Variants in PCCA observed in about 807,000 individuals in gnomAD.
The protein encoded by PCCA is propionyl-CoA carboxylase subunit alpha, also known as propionyl-CoA carboxylase alpha chain, mitochondrial.
A neutral mutation model predicts 101.3 loss-of-function variants in PCCA; 74 were observed. That is an observed-to-expected ratio of 0.73 (90% CI 0.61 to 0.89). The LOEUF (loss-of-function observed/expected upper bound fraction) is 0.89, where lower values mean the gene tolerates loss of function less well. Among genes scored for constraint, PCCA ranks in the 40% least tolerant of loss-of-function variants. The probability of loss-of-function intolerance (pLI) is 0.00; values close to 1 mark genes in which losing one functional copy is unlikely to be tolerated. For synonymous variants in PCCA, 294 were observed against 313.6 expected (o/e 0.94, Z 0.66); for missense variants, 891 against 907.0 (o/e 0.98, Z 0.23).
intron 18 of PCCA, among the ~76,000 whole-genome samples, chr13:100,359,223 A>G (rs1220956605): frequency 6.6e-6 from 1 of 152,166 alleles, no homozygotes; most frequent in African/African-American, 2.4e-5. Flanking sequence ...AAGAAAGGCA[A>G]GAGAGTGAAG....
chr13:100,330,709 G>A, intron 17 of PCCA, 38 bp downstream of exon 17: 1 of 1,213,188 alleles, frequency 8.2e-7, no homozygotes, highest in Non-Finnish European at 1.2e-6. Context: ...TTTTAAAGTT[G>A]TTATTTTTAT....
intron 2 of PCCA, among the ~76,000 whole-genome samples, chr13:100,109,990 C>T (rs1233702141): frequency 1.3e-5 from 2 of 152,038 alleles, no homozygotes; most frequent in East Asian, 1.9e-4. Context: ...AGAAATTAGC[C>T]GGGCTTGGTG....
At chr13:100,175,087 A>G (rs1233725282) in intron 6 of PCCA, among the ~76,000 whole-genome samples, 1 of 152,164 alleles carries the variant, frequency 6.6e-6, no homozygotes, top group Non-Finnish European at 1.5e-5. Context: ...GTCCTTGCTT[A>G]TGTAAGTCAG....
At chr13:100,443,180 A>G (rs1216994572) in intron 20 of PCCA, among the ~76,000 whole-genome samples, 3 of 152,126 alleles carry the variant, frequency 2.0e-5, no homozygotes, top group South Asian at 2.1e-4. Context: ...GTCTGTTTCT[A>G]TGGGGCTCAC....
At chr13:100,521,595 G>A (rs901319186) in intron 22 of PCCA, among the ~76,000 whole-genome samples, 2 of 152,238 alleles carry the variant, frequency 1.3e-5, no homozygotes, top group African/African-American at 2.4e-5. Flanking sequence ...ATATTTACCA[G>A]CCTATCTTAC....
chr13:100,218,237 G>A (rs889037487), intron 7 of PCCA, among the ~76,000 whole-genome samples: 5 of 152,014 alleles, frequency 3.3e-5, no homozygotes, highest in East Asian at 3.9e-4. Flanking sequence ...GTGCAGTGGC[G>A]TGATCTTGAC....
chr13:100,174,338 T>G (rs2056022123), intron 6 of PCCA, among the ~76,000 whole-genome samples: 1 of 151,512 alleles, frequency 6.6e-6, no homozygotes, highest in Admixed American at 6.6e-5. Flanking sequence ...TATGGAAAAC[T>G]TAAATGTAGC....
At chr13:100,512,978 T>G (rs1225165126) in intron 21 of PCCA, among the ~76,000 whole-genome samples, 1 of 152,192 alleles carries the variant, frequency 6.6e-6, no homozygotes, top group Non-Finnish European at 1.5e-5. Flanking sequence ...GATCAGAAGC[T>G]TGGAAGGCCC....
chr13:100,142,456 A>G (rs1594332957), intron 4 of PCCA, among the ~76,000 whole-genome samples: 2 of 150,264 alleles, frequency 1.3e-5, no homozygotes, highest in East Asian at 1.9e-4. Flanking sequence ...TGAAATCTCT[A>G]TGAGATGAAA....
intron 1 of PCCA, among the ~76,000 whole-genome samples, chr13:100,090,201 C>T (rs1371387637): frequency 6.6e-6 from 1 of 152,228 alleles, no homozygotes; most frequent in Non-Finnish European, 1.5e-5. Context: ...CCATCCTACT[C>T]TTTAAAGAGG....
intron 21 of PCCA, among the ~76,000 whole-genome samples, chr13:100,451,416 T>G (rs1311967681): frequency 6.6e-6 from 1 of 152,164 alleles, no homozygotes; most frequent in East Asian, 1.9e-4. Flanking sequence ...TGGACACCTT[T>G]CTGTGTCAGT....
In PCCA at chr13:100,106,579, T is replaced by G. The variant is rs145252898; in HGVS notation, c.183+3619T>G. On this transcript the variant is annotated intron_variant, in intron 2 of 23. Transcript: ENST00000376285. ...GCACACACCACCACATCCGGCTAAT[T>G]TTTTTTTGTATTTTTAGTAGAGATG... is the stretch of plus-strand genomic sequence containing the variant. Among the ~76,000 whole-genome samples, 560 of 151,724 alleles carry G rather than the reference T, an allele frequency of 3.7e-3. 3 individuals carry two copies. Among genetic ancestry groups the G allele is most frequent in the African/African-American group, 0.013 (533 of 41,390 alleles).
chr13:100,111,105 G>T (rs938931467), intron 2 of PCCA, among the ~76,000 whole-genome samples: 1 of 151,202 alleles, frequency 6.6e-6, no homozygotes, highest in Admixed American at 6.6e-5. Context: ...TCCGCCTCCC[G>T]GGTTCAAGCC....
chr13:100,310,911 C>T (rs975949410), intron 16 of PCCA, among the ~76,000 whole-genome samples: 1 of 152,140 alleles, frequency 6.6e-6, no homozygotes, highest in Non-Finnish European at 1.5e-5. Context: ...AAGCTAGGTT[C>T]ATAGCCCCTG....
intron 20 of PCCA, among the ~76,000 whole-genome samples, chr13:100,442,814 G>A (rs553683485): frequency 2.6e-5 from 4 of 152,336 alleles, no homozygotes; most frequent in African/African-American, 9.6e-5. Context: ...ACACTGAGCT[G>A]AGACCTACGA....
At chr13:100,176,737 G>T (rs2056269444) in intron 6 of PCCA, among the ~76,000 whole-genome samples, 1 of 152,182 alleles carries the variant, frequency 6.6e-6, no homozygotes, top group African/African-American at 2.4e-5. Flanking sequence ...ATAAAGGCAT[G>T]TTAGTCACAG....
In PCCA at chr13:100,515,407, G is replaced by T. The variant is rs757535171; in HGVS notation, c.1900-20G>T. The T allele has an allele frequency of 3.5e-5, 57 of 1,610,664 alleles. No homozygotes were observed. The highest frequency in any genetic ancestry group is 4.6e-5 in the Non-Finnish European group (54 of 1,177,040). On this transcript the variant is annotated intron_variant, in intron 21 of 23. Transcript: ENST00000376285. ...TTTCATTTAAACTCATTTATGGTTT[G>T]GTTTTGTTTTTCCCTTAAGTACAAG...
intron 19 of PCCA, among the ~76,000 whole-genome samples, chr13:100,392,055 G>C (rs930050227): frequency 6.6e-6 from 1 of 152,048 alleles, no homozygotes; most frequent in Non-Finnish European, 1.5e-5. Context: ...TTGAGTTCTC[G>C]TGTTTATTTC....
intron 4 of PCCA, among the ~76,000 whole-genome samples, chr13:100,132,270 C>CCATTACCCCTCTGACTCCCTTGTGAGT (rs2050595002): frequency 7.5e-6 from 1 of 133,798 alleles, no homozygotes; most frequent in African/African-American, 2.9e-5. Flanking sequence ...CAGAGTAGTT[C>CCATTACCCCTCTGACTCCCTTGTGAGT]CATTACCCCT....
Sources: allele counts gnomAD v4.1 joint callset (sites outside exome capture counted in the v4.1 genomes callset), GRCh38; gene constraint gnomAD v4.1.1; transcripts MANE v1.5; gene names NCBI Gene and HGNC (gene_info 2026-07-23, HGNC 2026-07-21).